CREB5: variants seen among roughly 807,000 people sequenced by gnomAD.
CREB5 encodes cAMP responsive element binding protein 5, also known as cyclic AMP-responsive element-binding protein 5.
CREB5 carries 19 observed loss-of-function variants against 57.1 expected under a neutral mutation model. The observed-to-expected ratio is 0.33, with a 90% CI of 0.23 to 0.49. CREB5 has a LOEUF of 0.49. Among genes scored for constraint, CREB5 ranks in the 20% least tolerant of loss-of-function variants. The pLI, the probability that CREB5 is intolerant of heterozygous loss-of-function variation, is 0.99. For synonymous variants in CREB5, 238 were observed against 238.3 expected (o/e 1.00, Z 0.01); for missense variants, 579 against 671.6 (o/e 0.86, Z 1.52).
At chr7:28,487,141 A>G (rs980282425) in intron 1 of CREB5, among the ~76,000 whole-genome samples, 2 of 152,022 alleles carry the variant, frequency 1.3e-5, no homozygotes, top group African/African-American at 4.8e-5. Context: ...TCCAGCCTCC[A>G]GAGTAGCTGG....
At chr7:28,662,096 G>A (rs1328224583) in intron 5 of CREB5, among the ~76,000 whole-genome samples, 2 of 152,150 alleles carry the variant, frequency 1.3e-5, no homozygotes, top group African/African-American at 4.8e-5. Flanking sequence ...CTCTTCTAGC[G>A]GCCTAGACCT....
At chr7:28,695,922 G>C (rs903598928) in intron 5 of CREB5, among the ~76,000 whole-genome samples, 6 of 147,510 alleles carry the variant, frequency 4.1e-5, no homozygotes, top group African/African-American at 1.5e-4. Flanking sequence ...CAGAAAACTT[G>C]TCACTTCATT....
chr7:28,779,402 C>G (rs147492883), intron 7 of CREB5, among the ~76,000 whole-genome samples: 109 of 152,258 alleles, frequency 7.2e-4, no homozygotes, highest in African/African-American at 2.5e-3. Flanking sequence ...TCTGCACAGC[C>G]CTTCTTAGAT....
At chr7:28,737,555 A>G (rs376115011) in intron 7 of CREB5, among the ~76,000 whole-genome samples, 3 of 43,944 alleles carry the variant, frequency 6.8e-5, no homozygotes, top group Non-Finnish European at 1.0e-4. Context: ...ATATATATAT[A>G]TATATATATA....
intron 1 of CREB5, among the ~76,000 whole-genome samples, chr7:28,374,323 A>C (rs1786779114): frequency 6.6e-6 from 1 of 152,210 alleles, no homozygotes; most frequent in African/African-American, 2.4e-5. Flanking sequence ...AAAATTAAAC[A>C]TACATTTACA....
chr7:28,796,559 G>A (rs1186100530), intron 7 of CREB5, among the ~76,000 whole-genome samples: 2 of 152,118 alleles, frequency 1.3e-5, no homozygotes, highest in Non-Finnish European at 2.9e-5. Flanking sequence ...CACAGAAGAC[G>A]AATTTGAAGC....
intron 5 of CREB5, among the ~76,000 whole-genome samples, chr7:28,668,159 A>G (rs939064481): frequency 1.3e-5 from 2 of 152,228 alleles, no homozygotes; most frequent in Non-Finnish European, 2.9e-5. Context: ...GGACACGGAA[A>G]GAAACTTCAT....
At chr7:28,711,188 G>A (rs1802383096) in intron 5 of CREB5, among the ~76,000 whole-genome samples, 1 of 152,162 alleles carries the variant, frequency 6.6e-6, no homozygotes, top group South Asian at 2.1e-4. Context: ...GACAGTTTTA[G>A]GACAGGAGAG....
At chr7:28,776,386 A>T (rs1242970289) in intron 7 of CREB5, among the ~76,000 whole-genome samples, 5 of 152,122 alleles carry the variant, frequency 3.3e-5, no homozygotes, top group Non-Finnish European at 7.4e-5. Context: ...TATTTTAACA[A>T]TCATTCTCAC....
At chr7:28,300,059 TTTATTTATTTA>T (rs1419845794) in intron 1 of CREB5, among the ~76,000 whole-genome samples, 5 of 19,946 alleles carry the variant, frequency 2.5e-4, no homozygotes, top group South Asian at 1.2e-3. Context: ...GCTTTATTTA[TTTATTTATTTA>T]TTTATTTATT....
chr7:28,306,139 AG>A (rs1328572573), intron 1 of CREB5, among the ~76,000 whole-genome samples: 25 of 152,326 alleles, frequency 1.6e-4, no homozygotes, highest in African/African-American at 6.0e-4. Context: ...AGCTGCAACC[AG>A]CCAAAGCGTC....
intron 5 of CREB5, among the ~76,000 whole-genome samples, chr7:28,635,197 T>A (rs1798368906): frequency 6.6e-6 from 1 of 152,206 alleles, no homozygotes; most frequent in Non-Finnish European, 1.5e-5. Context: ...TTGGAATGAC[T>A]GTCGAGTGAG....
intron 1 of CREB5, among the ~76,000 whole-genome samples, chr7:28,315,363 A>ATGACTC (rs1488198121): frequency 6.6e-6 from 1 of 152,194 alleles, no homozygotes. Flanking sequence ...AGTCACTATG[A>ATGACTC]TGACTCTGTT....
intron 4 of CREB5, among the ~76,000 whole-genome samples, chr7:28,542,170 T>A (rs1794234404): frequency 6.6e-6 from 1 of 152,066 alleles, no homozygotes; most frequent in African/African-American, 2.4e-5. Flanking sequence ...TACCGAAGAG[T>A]AAGTTTCATT....
chr7:28,657,717 G>GAAA (rs59307921), intron 5 of CREB5, among the ~76,000 whole-genome samples: 16,869 of 53,198 alleles, frequency 0.32, 2,105 homozygotes, highest in East Asian at 0.55. Context: ...ACTCTCTCTC[G>GAAA]AAAAAAAAAA....
intron 1 of CREB5, among the ~76,000 whole-genome samples, chr7:28,403,380 T>A (rs1787514868): frequency 1.3e-5 from 2 of 152,232 alleles, no homozygotes; most frequent in South Asian, 4.1e-4. Flanking sequence ...TGACATGAAT[T>A]ATTTTATTAA....
At chr7:28,771,886 G>A (rs758448315) in intron 7 of CREB5, among the ~76,000 whole-genome samples, 8 of 152,122 alleles carry the variant, frequency 5.3e-5, no homozygotes, top group Non-Finnish European at 1.2e-4. Context: ...TAGTAAGTGT[G>A]CTCCATAAAC....
At chr7:28,487,780 G>A (rs987032328) in intron 1 of CREB5, among the ~76,000 whole-genome samples, 2 of 152,260 alleles carry the variant, frequency 1.3e-5, no homozygotes, top group Admixed American at 6.5e-5. Context: ...GTCCTAAGTA[G>A]CAAATCCCAA....
chr7:28,607,868 C>G lies in CREB5; in HGVS notation c.464+37331C>G, dbSNP rs112826479. ...TGGGAGTTGGCTTGCTTTTAAGGCT[C>G]ACAGTAGAAGAGTTAAACAGAATTT... On this transcript the variant is annotated intron_variant, in intron 5 of 10. Transcript: ENST00000357727. Among the ~76,000 whole-genome samples the G allele has an allele frequency of 9.2e-5, 14 of 151,600 alleles. 1 individual carries two copies. Among genetic ancestry groups the G allele is most frequent in the African/African-American group, 3.1e-4 (13 of 41,292 alleles).
Sources: allele counts gnomAD v4.1 joint callset (sites outside exome capture counted in the v4.1 genomes callset), GRCh38; gene constraint gnomAD v4.1.1; transcripts MANE v1.5; gene names NCBI Gene and HGNC (gene_info 2026-07-23, HGNC 2026-07-21).